The following THSD4 variants were observed in gnomAD, a reference collection of about 807,000 sequenced individuals.
THSD4 encodes thrombospondin type-1 domain-containing protein 4.
THSD4 carries 69 observed loss-of-function variants against 119.0 expected under a neutral mutation model. That is an observed-to-expected ratio of 0.58 (90% CI 0.48 to 0.71). THSD4 has a LOEUF of 0.71. THSD4 is among the 30% of genes least tolerant of loss of function. The pLI is 0.00. For synonymous variants in THSD4, 524 were observed against 540.4 expected (o/e 0.97, Z 0.42); for missense variants, 1,393 against 1,391.1 (o/e 1.00, Z -0.02).
At chr15:71,743,658 G>A (rs1468128747) in intron 11 of THSD4, among the ~76,000 whole-genome samples, 1 of 152,110 alleles carries the variant, frequency 6.6e-6, no homozygotes, top group African/African-American at 2.4e-5. Flanking sequence ...TTAAATAATG[G>A]TCTCAAGTTA....
At chr15:71,682,868 CTT>C (rs2051816127) in intron 8 of THSD4, among the ~76,000 whole-genome samples, 7 of 18,494 alleles carry the variant, frequency 3.8e-4, no homozygotes, top group African/African-American at 1.1e-3. Flanking sequence ...TTCTTTCTTT[CTT>C]TCTTTCTTTC....
chr15:71,410,661 T>G (rs769065777), intron 6 of THSD4, among the ~76,000 whole-genome samples: 1 of 152,166 alleles, frequency 6.6e-6, no homozygotes, highest in Non-Finnish European at 1.5e-5. Flanking sequence ...TACCTCATAA[T>G]GGAGGAATTA....
At chr15:71,759,764 G>T (rs1434782521) in intron 15 of THSD4, among the ~76,000 whole-genome samples, 2 of 152,150 alleles carry the variant, frequency 1.3e-5, no homozygotes, top group East Asian at 3.9e-4. Context: ...AGGATTCAGG[G>T]CCTTTTTTGC....
chr15:71,672,774 A>G (rs2051559099), intron 8 of THSD4, among the ~76,000 whole-genome samples: 1 of 152,220 alleles, frequency 6.6e-6, no homozygotes. Flanking sequence ...GGTTCTGTTT[A>G]TGTGACGGAT....
chr15:71,167,570 A>G (rs2043305789), intron 3 of THSD4, among the ~76,000 whole-genome samples: 1 of 152,186 alleles, frequency 6.6e-6, no homozygotes, highest in African/African-American at 2.4e-5. Context: ...TTTTTTCATC[A>G]AGGCATAAGA....
chr15:71,729,576 T>G (rs959897683), intron 9 of THSD4: 2 of 152,256 alleles, frequency 1.3e-5, no homozygotes, highest in East Asian at 3.9e-4. Flanking sequence ...TTGGGCCTAG[T>G]AGACTCGAAA....
At position 71,280,891 on chromosome 15, in the gene THSD4, A is replaced by G. The variant is rs530123798; in HGVS notation, c.1015+24176A>G. On this transcript the variant is annotated intron_variant, in intron 6 of 17. Transcript: ENST00000261862. ...TGAAATCACCCAAATTTGATCTTCA[A>G]CTCTCATCATACAAAGTATCGGTAT... 4.3e-4 allele frequency among the ~76,000 whole-genome samples: 65 copies of G among 152,198 alleles called. No individual in the cohort carries two copies. The Middle Eastern group carries it at 0.01, about 24-fold the overall frequency.
intron 8 of THSD4, among the ~76,000 whole-genome samples, chr15:71,699,216 T>TAATGTCAATTATACCTCAATAAAGTGGC (rs1234852222): frequency 4.8e-4 from 47 of 97,256 alleles, no homozygotes; most frequent in African/African-American, 8.5e-4. Context: ...ACAGCTTTTT[T>TAATGTCAATTATACCTCAATAAAGTGGC]TTTTTTTTTT....
intron 6 of THSD4, among the ~76,000 whole-genome samples, chr15:71,371,594 T>A (rs898743868): frequency 2.0e-5 from 3 of 152,218 alleles, no homozygotes; most frequent in Non-Finnish European, 4.4e-5. Context: ...TTTAAGAATG[T>A]TGAATATGGA....
At chr15:71,350,860 T>C (rs1004730739) in intron 6 of THSD4, among the ~76,000 whole-genome samples, 2 of 152,186 alleles carry the variant, frequency 1.3e-5, no homozygotes, top group Non-Finnish European at 2.9e-5. Flanking sequence ...GCCACACTTT[T>C]GTATTAAGCT....
chr15:71,688,645 C>G lies in THSD4; in HGVS notation c.1357+27911C>G, dbSNP rs79141281. Among the ~76,000 whole-genome samples the G allele has an allele frequency of 8.9e-3, 1,337 of 149,586 alleles. 18 individuals carry two copies. Among genetic ancestry groups the G allele is most frequent in the African/African-American group, 0.031 (1,265 of 40,514 alleles). Reference sequence around the variant, plus strand: ...TCTATTAGGTTCCCTGTTTAATCATCTTCATTGTTTTGTTTTGTTTTTTTC... The same window carrying G: ...TCTATTAGGTTCCCTGTTTAATCATGTTCATTGTTTTGTTTTGTTTTTTTC... On this transcript the variant is annotated intron_variant, in intron 8 of 17. Coordinates refer to ENST00000261862, the MANE Select transcript of THSD4 (RefSeq NM_024817.3).
intron 3 of THSD4, among the ~76,000 whole-genome samples, chr15:71,194,294 C>G (rs2043701109): frequency 6.6e-6 from 1 of 152,172 alleles, no homozygotes; most frequent in African/African-American, 2.4e-5. Flanking sequence ...GAAACAGATG[C>G]CTCCATCTGT....
chr15:71,542,794 G>C (rs987341007), intron 7 of THSD4, among the ~76,000 whole-genome samples: 1 of 151,546 alleles, frequency 6.6e-6, no homozygotes, highest in Admixed American at 6.6e-5. Flanking sequence ...GGAGAATGGC[G>C]TGAACCCGGG....
chr15:71,257,336 A>C (rs533715932), intron 6 of THSD4, among the ~76,000 whole-genome samples: 99 of 152,216 alleles, frequency 6.5e-4, no homozygotes, highest in Non-Finnish European at 1.0e-3. Context: ...AGAAGTTTTA[A>C]CATTCTGAGA....
At chr15:71,514,793 C>T (rs1486287442) in intron 7 of THSD4, among the ~76,000 whole-genome samples, 4 of 152,232 alleles carry the variant, frequency 2.6e-5, no homozygotes, top group Admixed American at 6.5e-5. Context: ...ATATACTATA[C>T]GTGCTGTTTT....
At chr15:71,563,616 C>T (rs559054312) in intron 7 of THSD4, among the ~76,000 whole-genome samples, 30 of 95,162 alleles carry the variant, frequency 3.2e-4, no homozygotes, top group African/African-American at 1.1e-3. Context: ...CTGAAGTAGA[C>T]AGACAGTAAA....
At chr15:71,552,834 T>A (rs891692885) in intron 7 of THSD4, among the ~76,000 whole-genome samples, 1 of 152,090 alleles carries the variant, frequency 6.6e-6, no homozygotes, top group African/African-American at 2.4e-5. Flanking sequence ...TTAGTAGAGA[T>A]GGGGTTTCAC....
chr15:71,551,145 G>A (rs1447888634), intron 7 of THSD4, among the ~76,000 whole-genome samples: 2 of 152,198 alleles, frequency 1.3e-5, no homozygotes, highest in Non-Finnish European at 2.9e-5. Context: ...GATGTGTAAT[G>A]AAATGACTAC....
chr15:71,537,425 C>T (rs1475625838), intron 7 of THSD4, among the ~76,000 whole-genome samples: 2 of 152,114 alleles, frequency 1.3e-5, no homozygotes, highest in African/African-American at 4.8e-5. Flanking sequence ...TGGGCTGGCT[C>T]CCCCTTGGTT....
Sources: gnomAD v4.1 joint callset for allele counts (sites outside exome capture counted in the v4.1 genomes callset) on GRCh38, gnomAD v4.1.1 for gene constraint, MANE v1.5 for transcripts, NCBI Gene and HGNC (gene_info 2026-07-23, HGNC 2026-07-21) for gene names.